RBM34: variants seen among roughly 807,000 people sequenced by gnomAD.
The protein encoded by RBM34 is RNA binding motif protein 34.
A neutral mutation model predicts 44.6 loss-of-function variants in RBM34; 39 were observed. That is an observed-to-expected ratio of 0.87 (90% CI 0.68 to 1.14). RBM34 has a LOEUF of 1.14. Ranked by LOEUF, RBM34 falls within the 50% of genes most tolerant of loss-of-function variation. The pLI is 0.00. For synonymous variants in RBM34, 194 were observed against 184.0 expected (o/e 1.05, Z -0.44); for missense variants, 572 against 517.9 (o/e 1.10, Z -1.01).
At chr1:235,134,256 T>G (rs1376830407) in intron 10 of RBM34, among the ~76,000 whole-genome samples, 2 of 152,114 alleles carry the variant, frequency 1.3e-5, no homozygotes, top group Non-Finnish European at 2.9e-5. Flanking sequence ...ACTCCTGGGC[T>G]CAAGTGATCC....
chr1:235,134,194 TG>T (rs1233083017), intron 10 of RBM34, among the ~76,000 whole-genome samples: 5 of 152,158 alleles, frequency 3.3e-5, no homozygotes, highest in Non-Finnish European at 5.9e-5. Flanking sequence ...AGCTGATTTT[TG>T]TATTTTTTTG....
Position 235,135,686 on chromosome 1 carries a change from C to G in RBM34, c.974G>C (p.Gly325Ala), listed in dbSNP as rs779268292. 2.9e-5 allele frequency: 47 copies of G among 1,614,100 alleles called. 1 individual carries two copies. The South Asian group carries it at 5.0e-4, about 17-fold the overall frequency. Residue 325 changes from glycine (G) to alanine (A), a missense_variant, in exon 10 of 11, where the codon GGC becomes GCC. Coordinates refer to ENST00000408888, the MANE Select transcript of RBM34 (RefSeq NM_015014.4). ...CACATAGCCAAACCCTTTGCCGATG[C>G]CTGTCATTTTGTCTCTCACAATCCT... The part of the protein sequence containing the change: ...AVRIVRDKMT[G>A]IGKGFGYVLF...
chr1:235,138,424 A>C (rs1427546424), intron 6 of RBM34, among the ~76,000 whole-genome samples: 1 of 152,250 alleles, frequency 6.6e-6, no homozygotes, highest in Non-Finnish European at 1.5e-5. Flanking sequence ...AAACAGATGA[A>C]CCATGTATAT....
At chr1:235,149,335 GCCC>G (rs1471317541) in intron 5 of RBM34, among the ~76,000 whole-genome samples, 3 of 143,782 alleles carry the variant, frequency 2.1e-5, no homozygotes, top group Non-Finnish European at 4.5e-5. Context: ...CTTGCAGTGA[GCCC>G]AGATGGCACC....
chr1:235,151,008 G>C (rs1166392452), intron 5 of RBM34, among the ~76,000 whole-genome samples: 2 of 152,190 alleles, frequency 1.3e-5, no homozygotes, highest in East Asian at 1.9e-4. Context: ...GGGAAGAAGA[G>C]CTTCAGGAAG....
intron 6 of RBM34, among the ~76,000 whole-genome samples, chr1:235,140,867 T>C (rs1661654864): frequency 1.3e-5 from 2 of 152,062 alleles, no homozygotes; most frequent in African/African-American, 2.4e-5. Context: ...ATCGACACTC[T>C]ATATCTAGCT....
At chr1:235,159,552 A>C (rs964171570) in intron 3 of RBM34, among the ~76,000 whole-genome samples, 1 of 151,562 alleles carries the variant, frequency 6.6e-6, no homozygotes, top group African/African-American at 2.4e-5. Flanking sequence ...CAGCTCAAAA[A>C]AAAAAAAAAA....
chr1:235,149,848 G>A (rs185584777), intron 5 of RBM34, among the ~76,000 whole-genome samples: 1 of 152,234 alleles, frequency 6.6e-6, no homozygotes, highest in East Asian at 1.9e-4. Context: ...TTCTTTCTCA[G>A]TAACCTGATA....
intron 2 of RBM34, 72 bp downstream of exon 2, chr1:235,160,821 G>A (rs1018845718): frequency 5.1e-6 from 8 of 1,564,628 alleles, no homozygotes; most frequent in South Asian, 3.5e-5. Flanking sequence ...CGCTTCACGC[G>A]GTAGGTAAGA....
chr1:235,131,746 A>G lies in RBM34; in HGVS notation c.1260T>C (p.Ser420=), dbSNP rs748449121. 6.2e-7 allele frequency: 1 copy of G among 1,602,636 alleles called. No individual in the cohort carries two copies. The highest frequency in any genetic ancestry group is 2.2e-5 in the East Asian group (1 of 44,814). Residue 420 remains serine (S), a synonymous_variant, in exon 11 of 11, where the codon AGT becomes AGC. Coordinates refer to ENST00000408888, the MANE Select transcript of RBM34 (RefSeq NM_015014.4). The part of the protein sequence containing the change: ...LKTKKKGQKK[S]GRPKKQRKQK The stretch of plus-strand genomic sequence containing the variant: ...GTTTTCTCTGTTTCTTAGGGCGTCC[A>G]CTTTTCTTCTGTCCTTTCTTCTTCG...
chr1:235,139,276 C>T (rs1430301173), intron 6 of RBM34, among the ~76,000 whole-genome samples: 2 of 152,198 alleles, frequency 1.3e-5, no homozygotes, highest in Non-Finnish European at 2.9e-5. Flanking sequence ...TAGTGCCTGA[C>T]ATGACTGATG....
At chr1:235,133,313 C>T (rs1418865538) in intron 10 of RBM34, among the ~76,000 whole-genome samples, 1 of 152,210 alleles carries the variant, frequency 6.6e-6, no homozygotes. Context: ...AGCACTCCAG[C>T]CTGAGCAACA....
intron 6 of RBM34, among the ~76,000 whole-genome samples, chr1:235,141,560 C>T (rs1661682998): frequency 6.6e-6 from 1 of 152,188 alleles, no homozygotes; most frequent in Non-Finnish European, 1.5e-5. Flanking sequence ...CCCTAGCCAG[C>T]AGTGGCAAGC....
intron 6 of RBM34, among the ~76,000 whole-genome samples, chr1:235,138,725 G>T (rs1661543113): frequency 6.6e-6 from 1 of 152,114 alleles, no homozygotes; most frequent in Non-Finnish European, 1.5e-5. Flanking sequence ...CATCTTTGTG[G>T]TTTTATCAAC....
intron 3 of RBM34, among the ~76,000 whole-genome samples, chr1:235,158,141 G>A (rs753465310): frequency 2.0e-5 from 3 of 152,034 alleles, no homozygotes; most frequent in Non-Finnish European, 2.9e-5. Context: ...AGGGCCAGGC[G>A]CGGTGGCTCA....
At chr1:235,141,336 A>G (rs1006464094) in intron 6 of RBM34, among the ~76,000 whole-genome samples, 4 of 152,132 alleles carry the variant, frequency 2.6e-5, no homozygotes. Flanking sequence ...TGAGTGCACC[A>G]ATCGATACTC....
chr1:235,147,004 A>T (rs560682765), intron 6 of RBM34, among the ~76,000 whole-genome samples: 1 of 152,332 alleles, frequency 6.6e-6, no homozygotes, highest in Admixed American at 6.5e-5. Flanking sequence ...GCTGAGGCAG[A>T]AGGATTGCTT....
chr1:235,132,446 T>C (rs1340119148), intron 10 of RBM34, among the ~76,000 whole-genome samples: 1 of 152,154 alleles, frequency 6.6e-6, no homozygotes, highest in Non-Finnish European at 1.5e-5. Flanking sequence ...GTAGCTGGGA[T>C]TACAGGCGCG....
At chr1:235,155,342 CT>C (rs1662352064) in intron 3 of RBM34, among the ~76,000 whole-genome samples, 1 of 151,586 alleles carries the variant, frequency 6.6e-6, no homozygotes, top group African/African-American at 2.4e-5. Context: ...AAAAGTTAAG[CT>C]CTTTTTTTTT....
Sources: allele counts gnomAD v4.1 joint callset (sites outside exome capture counted in the v4.1 genomes callset), GRCh38; gene constraint gnomAD v4.1.1; transcripts MANE v1.5; gene names NCBI Gene and HGNC (gene_info 2026-07-23, HGNC 2026-07-21).